Variants in RBAK observed in about 807,000 individuals in gnomAD.
The protein encoded by RBAK is RB associated KRAB zinc finger.
In RBAK, 39 loss-of-function variants were observed where a neutral mutation model predicts 65.8. That is an observed-to-expected ratio of 0.59 (90% CI 0.46 to 0.77). RBAK has a LOEUF of 0.77. Among genes scored for constraint, RBAK ranks in the 30% least tolerant of loss-of-function variants. The probability of loss-of-function intolerance (pLI) is 0.00; values close to 1 mark genes in which losing one functional copy is unlikely to be tolerated. For missense variants in RBAK, 884 were observed against 855.1 expected (o/e 1.03, Z -0.42); for synonymous variants, 343 against 289.7 (o/e 1.18, Z -1.87).
At chr7:5,060,607 A>AT (rs1021811725) in intron 4 of RBAK, among the ~76,000 whole-genome samples, 4 of 152,240 alleles carry the variant, frequency 2.6e-5, no homozygotes, top group African/African-American at 9.6e-5. Context: ...GTATAGATAG[A>AT]TTTTGAGTAT....
chr7:5,059,344 G>C (rs1331798644), intron 4 of RBAK, among the ~76,000 whole-genome samples: 1 of 151,186 alleles, frequency 6.6e-6, no homozygotes, highest in African/African-American at 2.4e-5. Context: ...TTTTGAGACA[G>C]AGTCTCACTC....
intron 2 of RBAK, among the ~76,000 whole-genome samples, chr7:5,053,941 G>A (rs1350533689): frequency 6.6e-6 from 1 of 152,082 alleles, no homozygotes; most frequent in Non-Finnish European, 1.5e-5. Flanking sequence ...CCTTATGGTT[G>A]TAATTTCCTG....
intron 2 of RBAK, among the ~76,000 whole-genome samples, chr7:5,054,900 C>A (rs1337666527): frequency 6.6e-6 from 1 of 152,022 alleles, no homozygotes; most frequent in African/African-American, 2.4e-5. Flanking sequence ...AACTGACTTA[C>A]CCTAGGTAGG....
chr7:5,063,221 TC>T (rs1458904884), intron 4 of RBAK, among the ~76,000 whole-genome samples: 2 of 152,230 alleles, frequency 1.3e-5, no homozygotes, highest in Non-Finnish European at 2.9e-5. Context: ...ATCTTAACAA[TC>T]CATGTTCTTC....
At chr7:5,049,622 C>T (rs902893934) in intron 2 of RBAK, among the ~76,000 whole-genome samples, 2 of 152,178 alleles carry the variant, frequency 1.3e-5, no homozygotes, top group African/African-American at 4.8e-5. Context: ...CTGATACTTT[C>T]TCCATGGAGT....
Position 5,046,197 on chromosome 7 carries a change from G to A in RBAK, c.-244G>A, listed in dbSNP as rs1787976839. On this transcript the variant is annotated 5_prime_UTR_variant, in exon 1 of 5. Transcript: ENST00000396912. ...GGCCCAGGCTGCCGCTGTACGGTGA[G>A]CCCGAGGGAGGCGGATCTGGGTCCC... 4.2e-6 allele frequency: 2 copies of A among 478,254 alleles called. No homozygotes were observed. Among genetic ancestry groups the A allele is most frequent in the Admixed American group, 4.5e-5 (2 of 44,742 alleles). 29.6% of individuals were successfully genotyped at this position (478,254 alleles called of 1,614,324 possible). A position where few individuals can be genotyped will look rare whatever the true frequency, so the allele number is the denominator to read the frequency against.
In RBAK at chr7:5,064,540, C is replaced by G; in HGVS notation, c.1084C>G (p.Leu362Val). The change falls in exon 5 of 5, where the codon CTG (leucine) becomes GTG (valine). Residue 362 changes from leucine (L) to valine (V), a missense_variant. Coordinates refer to ENST00000396912, the MANE Select transcript of RBAK (RefSeq NM_021163.4). This position sits in a 1 kb window ranked among gnomAD's most constrained non-coding sequence, Gnocchi z 6.3. ...KTFCQKTHLTLHQRNHSGERP... is the reference protein window; with the variant it reads ...KTFCQKTHLTVHQRNHSGERP... ...CTTCTGCCAAAAGACACATCTCACCCTGCACCAGAGGAATCATTCAGGAGA... is the reference window on the plus strand; with the variant it reads ...CTTCTGCCAAAAGACACATCTCACCGTGCACCAGAGGAATCATTCAGGAGA... 1.9e-6 allele frequency: 3 copies of G among 1,613,686 alleles called. No homozygotes were observed. Among genetic ancestry groups the G allele is most frequent in the Non-Finnish European group, 2.5e-6 (3 of 1,179,770 alleles).
rs533770427 is a variant in RBAK at position 5,068,534 on chromosome 7, C to T, written c.*2933C>T. On this transcript the variant is annotated 3_prime_UTR_variant, in exon 5 of 5. Coordinates refer to ENST00000396912, the MANE Select transcript of RBAK (RefSeq NM_021163.4). The stretch of plus-strand genomic sequence containing the variant: ...AAAACATGTAGCACTGCTACCCATC[C>T]ATGGAAATGGTTAAAATGAAAAGCA... 1 of 152,278 alleles carries T rather than the reference C, an allele frequency of 6.6e-6. No homozygotes were observed. The highest frequency in any genetic ancestry group is 2.1e-4 in the South Asian group (1 of 4,832). 9.4% of individuals were successfully genotyped at this position (152,278 alleles called of 1,614,324 possible). A position where few individuals can be genotyped will look rare whatever the true frequency, so the allele number is the denominator to read the frequency against.
At chr7:5,055,751 C>A (rs1333683655) in intron 2 of RBAK, among the ~76,000 whole-genome samples, 1 of 151,508 alleles carries the variant, frequency 6.6e-6, no homozygotes, top group Admixed American at 6.6e-5. Context: ...TACCTCCTTG[C>A]CTTCTGGACT....
At position 5,057,396 on chromosome 7, in the gene RBAK, G is replaced by A. The variant is rs1279440449; in HGVS notation, c.117G>A (p.Glu39=). The change falls in exon 3 of 5, where the codon GAG becomes GAA. Residue 39 remains glutamate, a synonymous_variant. Coordinates refer to ENST00000396912, the MANE Select transcript of RBAK (RefSeq NM_021163.4). ...TAACTTACAGGGATGTGATGTTGGA[G>A]AACTATAGCCATCTAGTTTCTGTGG... ...EKITYRDVML[E]NYSHLVSVGY... 1 of 1,614,104 alleles carries A rather than the reference G, an allele frequency of 6.2e-7. No individual in the cohort carries two copies. Among genetic ancestry groups the A allele is most frequent in the South Asian group, 1.1e-5 (1 of 91,082 alleles).
At chr7:5,055,208 A>G (rs1382929594) in intron 2 of RBAK, among the ~76,000 whole-genome samples, 2 of 151,998 alleles carry the variant, frequency 1.3e-5, no homozygotes, top group African/African-American at 4.8e-5. Context: ...CCTGTTAAGT[A>G]AAATCCTGAC....
chr7:5,061,266 G>T (rs1403765735), intron 4 of RBAK, among the ~76,000 whole-genome samples: 1 of 152,014 alleles, frequency 6.6e-6, no homozygotes, highest in African/African-American at 2.4e-5. Context: ...AAATGCCCTA[G>T]TTAGTAAATT....
intron 4 of RBAK, among the ~76,000 whole-genome samples, chr7:5,063,129 A>G (rs888936536): frequency 7.2e-5 from 11 of 152,236 alleles, no homozygotes; most frequent in Admixed American, 2.6e-4. Flanking sequence ...AATCTTCACA[A>G]TTTATGTTCA....
At chr7:5,062,341 G>A (rs1301338459) in intron 4 of RBAK, among the ~76,000 whole-genome samples, 7 of 152,118 alleles carry the variant, frequency 4.6e-5, no homozygotes, top group African/African-American at 1.4e-4. Flanking sequence ...CTGGGCGTCC[G>A]GGGGAGACAT....
chr7:5,046,549 C>T (rs1787989673), intron 1 of RBAK, among the ~76,000 whole-genome samples, 153 bp downstream of exon 1: 1 of 152,194 alleles, frequency 6.6e-6, no homozygotes, highest in Admixed American at 6.5e-5. Context: ...CTGCACCGAA[C>T]AGGCGCTGCA....
At chr7:5,053,201 C>G (rs1339710159) in intron 2 of RBAK, among the ~76,000 whole-genome samples, 2 of 152,180 alleles carry the variant, frequency 1.3e-5, no homozygotes, top group African/African-American at 4.8e-5. Flanking sequence ...AACATTTCTT[C>G]TAGTTGATGA....
Position 5,052,501 on chromosome 7 carries a change from T to C in RBAK, c.15+4410T>C, listed in dbSNP as rs182266968. Among the ~76,000 whole-genome samples the C allele has an allele frequency of 3.9e-5, 6 of 152,324 alleles. No individual in the cohort carries two copies. In the East Asian group the frequency reaches 1.2e-3, roughly 29 times the overall value. On this transcript the variant is annotated intron_variant, in intron 2 of 4. Transcript: ENST00000396912. ...TTATGATTCTACTTTATATCTTTTGTTGAGTTTTTAGCTATCACACTGTTT... is the reference window on the plus strand; with the variant it reads ...TTATGATTCTACTTTATATCTTTTGCTGAGTTTTTAGCTATCACACTGTTT...
chr7:5,066,882 T>C lies in RBAK; in HGVS notation c.*1281T>C, dbSNP rs904273960. 2 of 152,136 alleles carry C rather than the reference T, an allele frequency of 1.3e-5. No homozygotes were observed. The highest frequency in any genetic ancestry group is 2.9e-5 in the Non-Finnish European group (2 of 67,990). 9.4% of individuals were successfully genotyped at this position (152,136 alleles called of 1,614,324 possible). ...GGACTTGTTCTGGGAAAAGGTAAAA[T>C]GGTAATCAAATAGATTGTGTTCCAG... is the stretch of plus-strand genomic sequence containing the variant. On this transcript the variant is annotated 3_prime_UTR_variant, in exon 5 of 5. Coordinates refer to ENST00000396912, the MANE Select transcript of RBAK (RefSeq NM_021163.4).
intron 3 of RBAK, 22 bp from the exon 4 acceptor site, chr7:5,057,662 C>T (rs1238945529): frequency 1.2e-6 from 2 of 1,613,570 alleles, no homozygotes; most frequent in African/African-American, 2.7e-5. Flanking sequence ...TCCCCAAGTC[C>T]TCCTTCTTTT....
Sources: gnomAD v4.1 joint callset for allele counts (sites outside exome capture counted in the v4.1 genomes callset) on GRCh38, gnomAD v4.1.1 for gene constraint, Gnocchi (gnomAD v3.1) non-coding constraint, MANE v1.5 for transcripts, NCBI Gene and HGNC (gene_info 2026-07-23, HGNC 2026-07-21) for gene names.